CCL20: variants seen among roughly 807,000 people sequenced by gnomAD.
The protein encoded by CCL20 is C-C motif chemokine 20.
In CCL20, 8 loss-of-function variants were observed where a neutral mutation model predicts 10.8. The observed-to-expected ratio is 0.74, with a 90% CI of 0.44 to 1.34. The LOEUF (loss-of-function observed/expected upper bound fraction) is 1.34, where lower values mean the gene tolerates loss of function less well. Ranked by LOEUF, CCL20 falls within the 40% of genes most tolerant of loss-of-function variation. The pLI, the probability that CCL20 is intolerant of heterozygous loss-of-function variation, is 0.01. For missense variants in CCL20, 107 were observed against 117.9 expected (o/e 0.91, Z 0.43); for synonymous variants, 40 against 39.4 (o/e 1.02, Z -0.06).
Position 227,817,132 on chromosome 2 carries a change from A to G in CCL20, c.*49A>G. The G allele has an allele frequency of 1.3e-6, 2 of 1,519,974 alleles. No individual in the cohort carries two copies. Among genetic ancestry groups the G allele is most frequent in the Non-Finnish European group, 1.8e-6 (2 of 1,096,686 alleles). The allele number at this position is 1,519,974 out of a possible 1,614,324, so 94.2% of individuals were successfully genotyped here. A position where few individuals can be genotyped will look rare whatever the true frequency, so the allele number is the denominator to read the frequency against. ...AATTGGACATAGCCCAAGAACAGAA[A>G]GAACCTTGCTGGGGTTGGAGGTTTC... On this transcript the variant is annotated 3_prime_UTR_variant, in exon 4 of 4. Coordinates refer to ENST00000358813, the MANE Select transcript of CCL20 (RefSeq NM_004591.3).
chr2:227,816,082 A>G (rs1029654113), intron 2 of CCL20: 32 of 492,040 alleles, frequency 6.5e-5, no homozygotes, highest in Middle Eastern at 1.1e-3. Flanking sequence ...CTGGGACTTT[A>G]TCTTCCTGCC....
At chr2:227,814,584 ATT>A (rs35635992) in intron 1 of CCL20, among the ~76,000 whole-genome samples, 52 of 148,576 alleles carry the variant, frequency 3.5e-4, no homozygotes, top group South Asian at 8.5e-4. Flanking sequence ...TGCACATTGA[ATT>A]TTTTTTTTTT....
Position 227,815,570 on chromosome 2 carries a change from TA to T in CCL20, c.191+4del. 6.7e-7 allele frequency: 1 copy of T among 1,484,872 alleles called. No individual in the cohort carries two copies. The highest frequency in any genetic ancestry group is 9.3e-7 in the Non-Finnish European group (1 of 1,070,386). The allele number at this position is 1,484,872 out of a possible 1,614,324, so 92.0% of individuals were successfully genotyped here. ...AGGCTGTGACATCAATGCTATCATG[TA>T]AGTTATTAATTGATTTTAATTCAGT... On this transcript the variant is annotated splice_donor_region_variant and intron_variant, in intron 2 of 3. Transcript: ENST00000358813.
At chr2:227,815,340 T>C in intron 1 of CCL20, 114 bp from the exon 2 acceptor site, 1 of 611,552 alleles carries the variant, frequency 1.6e-6, no homozygotes, top group Non-Finnish European at 2.9e-6. Context: ...GGTTTATTCG[T>C]CATATACATG....
Position 227,817,178 on chromosome 2 carries a change from T to G in CCL20, c.*95T>G. 1 of 878,084 alleles carries G rather than the reference T, an allele frequency of 1.1e-6. No individual in the cohort carries two copies. The highest frequency in any genetic ancestry group is 1.6e-5 in the South Asian group (1 of 63,406). 54.4% of individuals were successfully genotyped at this position (878,084 alleles called of 1,614,324 possible). On this transcript the variant is annotated 3_prime_UTR_variant, in exon 4 of 4. Coordinates refer to ENST00000358813, the MANE Select transcript of CCL20 (RefSeq NM_004591.3). ...GTTTCACTTGCACATCATGGAGGGT[T>G]TAGTGCTTATCTAATTTGTGCCTCA...
chr2:227,815,945 A>G (rs1397439357), intron 2 of CCL20: 2 of 239,980 alleles, frequency 8.3e-6, no homozygotes, highest in South Asian at 1.9e-4. Context: ...AAAATCTCAG[A>G]CTAATTATAC....
intron 3 of CCL20, 111 bp from the exon 4 acceptor site, chr2:227,816,951 C>A: frequency 1.3e-6 from 1 of 777,612 alleles, no homozygotes; most frequent in Non-Finnish European, 2.3e-6. Flanking sequence ...AGCTGCTTGA[C>A]ATACTGAGTT....
In CCL20 at chr2:227,813,911, C is replaced by T. The variant is rs778149292; in HGVS notation, c.-1C>T. On this transcript the variant is annotated 5_prime_UTR_variant, in exon 1 of 4. Coordinates refer to ENST00000358813, the MANE Select transcript of CCL20 (RefSeq NM_004591.3). ...CAGATCTGTTCTTTGAGCTAAAAAC[C>T]ATGTGCTGTACCAAGAGTTTGCTCC... is the stretch of plus-strand genomic sequence containing the variant. 16 of 1,613,272 alleles carry T rather than the reference C, an allele frequency of 9.9e-6. No individual in the cohort carries two copies. The highest frequency in any genetic ancestry group is 1.4e-5 in the Non-Finnish European group (16 of 1,179,190).
chr2:227,814,216 T>C (rs1210144557), intron 1 of CCL20, among the ~76,000 whole-genome samples: 1 of 152,104 alleles, frequency 6.6e-6, no homozygotes, highest in Non-Finnish European at 1.5e-5. Context: ...TGGTGGGCTC[T>C]TAGAGATCCC....
Position 227,813,998 on chromosome 2 carries a change from C to A in CCL20, c.76+11C>A, listed in dbSNP as rs202153466. 2.8e-4 allele frequency: 450 copies of A among 1,609,920 alleles called. 1 individual carries two copies. The African/African-American group carries it at 5.2e-3, about 19-fold the overall frequency. ...GCGGCGAATCAGAAGGTAAGTGTCGCTCTTTCCGCTAGCACAGAAGAAAGA... is the reference window on the plus strand; with the variant it reads ...GCGGCGAATCAGAAGGTAAGTGTCGATCTTTCCGCTAGCACAGAAGAAAGA... On this transcript the variant is annotated intron_variant, in intron 1 of 3. Transcript: ENST00000358813.
rs868700522 is a variant in CCL20 at position 227,816,377 on chromosome 2, C to G, written c.262C>G (p.Leu88Val). Residue 88 changes from leucine (L) to valine (V), a missense_variant, in exon 3 of 4, where the codon CTC becomes GTC. Transcript: ENST00000358813. The part of the protein sequence containing the change: ...KQTWVKYIVR[L>V]LSKKVKNM ...GACTTGGGTGAAATATATTGTGCGT[C>G]TCCTCAGGTATGTTACACTGACATT... 1.3e-6 allele frequency: 2 copies of G among 1,588,714 alleles called. No individual in the cohort carries two copies. Among genetic ancestry groups the G allele is most frequent in the Admixed American group, 3.3e-5 (2 of 59,812 alleles).
intron 1 of CCL20, among the ~76,000 whole-genome samples, chr2:227,814,520 CT>C (rs1689993980): frequency 6.6e-6 from 1 of 152,118 alleles, no homozygotes. Context: ...CCAAGTATTG[CT>C]TTATTGCTCA....
Position 227,817,166 on chromosome 2 carries a change from A to G in CCL20, c.*83A>G. 2 of 1,061,594 alleles carry G rather than the reference A, an allele frequency of 1.9e-6. No homozygotes were observed. Among genetic ancestry groups the G allele is most frequent in the African/African-American group, 1.6e-5 (1 of 63,956 alleles). The allele number at this position is 1,061,594 out of a possible 1,614,324, so 65.8% of individuals were successfully genotyped here. On this transcript the variant is annotated 3_prime_UTR_variant, in exon 4 of 4. Transcript: ENST00000358813. ...CTGGGGTTGGAGGTTTCACTTGCAC[A>G]TCATGGAGGGTTTAGTGCTTATCTA...
intron 3 of CCL20, 137 bp from the exon 4 acceptor site, chr2:227,816,925 C>A: frequency 1.5e-6 from 1 of 678,052 alleles, no homozygotes; most frequent in Non-Finnish European, 2.7e-6. Flanking sequence ...ACCTCAATTT[C>A]CTCATCTGAA....
intron 1 of CCL20, among the ~76,000 whole-genome samples, chr2:227,814,757 AT>A (rs112995464): frequency 0.097 from 13,455 of 139,150 alleles, 1,767 homozygotes; most frequent in African/African-American, 0.31. Context: ...ATTTTTTTAC[AT>A]TTTTTTTTTT....
chr2:227,817,135 A>T lies in CCL20; in HGVS notation c.*52A>T. 1 of 1,494,230 alleles carries T rather than the reference A, an allele frequency of 6.7e-7. No homozygotes were observed. Among genetic ancestry groups the T allele is most frequent in the Non-Finnish European group, 9.3e-7 (1 of 1,073,872 alleles). The allele number at this position is 1,494,230 out of a possible 1,614,324, so 92.6% of individuals were successfully genotyped here. On this transcript the variant is annotated 3_prime_UTR_variant, in exon 4 of 4. Coordinates refer to ENST00000358813, the MANE Select transcript of CCL20 (RefSeq NM_004591.3). ...TGGACATAGCCCAAGAACAGAAAGA[A>T]CCTTGCTGGGGTTGGAGGTTTCACT...
rs910915378 is a variant in CCL20, at chr2:227,813,869, G to T, written c.-43G>T. 6.8e-7 allele frequency: 1 copy of T among 1,461,964 alleles called. No individual in the cohort carries two copies. Among genetic ancestry groups the T allele is most frequent in the African/African-American group, 1.4e-5 (1 of 71,794 alleles). The allele number at this position is 1,461,964 out of a possible 1,614,324, so 90.6% of individuals were successfully genotyped here. On this transcript the variant is annotated 5_prime_UTR_variant, in exon 1 of 4. Coordinates refer to ENST00000358813, the MANE Select transcript of CCL20 (RefSeq NM_004591.3). ...AATATAACAGCACTCCCAAAGAACT[G>T]GGTACTCAACACTGAGCAGATCTGT...
rs1690013483 is a variant in CCL20, at chr2:227,815,584, A to T, written c.191+16A>T. 1 of 1,386,544 alleles carries T rather than the reference A, an allele frequency of 7.2e-7. No individual in the cohort carries two copies. Among genetic ancestry groups the T allele is most frequent in the East Asian group, 2.3e-5 (1 of 43,360 alleles). 85.9% of individuals were successfully genotyped at this position (1,386,544 alleles called of 1,614,324 possible). The stretch of plus-strand genomic sequence containing the variant: ...ATGCTATCATGTAAGTTATTAATTG[A>T]TTTTAATTCAGTTGTATCAGGAATA... On this transcript the variant is annotated intron_variant, in intron 2 of 3. Transcript: ENST00000358813.
At chr2:227,815,595 G>A (rs377270988) in intron 2 of CCL20, 27 bp downstream of exon 2, 1 of 1,277,416 alleles carries the variant, frequency 7.8e-7, no homozygotes, top group East Asian at 2.3e-5. Context: ...TTTTAATTCA[G>A]TTGTATCAGG....
Sources: gnomAD v4.1 joint callset for allele counts (sites outside exome capture counted in the v4.1 genomes callset) on GRCh38, gnomAD v4.1.1 for gene constraint, MANE v1.5 for transcripts, NCBI Gene and HGNC (gene_info 2026-07-23, HGNC 2026-07-21) for gene names.